The following GABBR2 variants were observed in gnomAD, a reference collection of about 807,000 sequenced individuals.
GABBR2 encodes the protein G-protein coupled receptor 51.
GABBR2 carries 23 observed loss-of-function variants against 105.6 expected under a neutral mutation model. The ratio of observed to expected loss-of-function variants is 0.22; its 90% CI spans 0.16 to 0.31. The LOEUF (loss-of-function observed/expected upper bound fraction) is 0.31. Among genes scored for constraint, GABBR2 ranks in the 10% least tolerant of loss-of-function variants. The probability of loss-of-function intolerance (pLI) is 1.00; values close to 1 mark genes in which losing one functional copy is unlikely to be tolerated. For missense variants in GABBR2, 734 were observed against 1,245.5 expected (o/e 0.59, Z 6.18); for synonymous variants, 478 against 499.7 (o/e 0.96, Z 0.58).
chr9:98,651,265 T>G (rs554559964), intron 1 of GABBR2, among the ~76,000 whole-genome samples: 120 of 151,660 alleles, frequency 7.9e-4, no homozygotes, highest in South Asian at 2.1e-3. Flanking sequence ...TGTCTCAGCC[T>G]CTTGAGTAGC....
At chr9:98,478,789 T>C (rs1177174333) in intron 5 of GABBR2, among the ~76,000 whole-genome samples, 2 of 152,202 alleles carry the variant, frequency 1.3e-5, no homozygotes, top group Non-Finnish European at 2.9e-5. Context: ...CCATCTATGT[T>C]TCTTGCAAAC....
At chr9:98,509,605 G>A (rs921953881) in intron 3 of GABBR2, among the ~76,000 whole-genome samples, 8 of 152,196 alleles carry the variant, frequency 5.3e-5, no homozygotes, top group African/African-American at 9.7e-5. Context: ...ACCAAGGCAC[G>A]AGAGCTACGT....
Position 98,436,280 on chromosome 9 carries a change from CATAT to C in GABBR2, c.1236+17697_1236+17700del, listed in dbSNP as rs56768409. Among the ~76,000 whole-genome samples, 213 of 53,912 alleles carry C rather than the reference CATAT, an allele frequency of 4.0e-3. 8 individuals carry two copies. The highest frequency in any genetic ancestry group is 0.017 in the African/African-American group (188 of 10,950). The allele number at this position is 53,912 out of a possible 152,430, so 35.4% of individuals were successfully genotyped here. ...CTTCTGTTATTTAAACAACAACAAC[CATAT>C]ATATATATATATATATATACCCATA... is the stretch of plus-strand genomic sequence containing the variant. On this transcript the variant is annotated intron_variant, in intron 7 of 18. Transcript: ENST00000259455.
chr9:98,704,042 G>C (rs545610140), intron 1 of GABBR2, among the ~76,000 whole-genome samples: 1 of 152,090 alleles, frequency 6.6e-6, no homozygotes, highest in Admixed American at 6.5e-5. Context: ...CCTTGCATTA[G>C]AAATGATGAA....
chr9:98,291,917 T>C (rs999793780), intron 18 of GABBR2, among the ~76,000 whole-genome samples: 3 of 152,202 alleles, frequency 2.0e-5, no homozygotes, highest in Admixed American at 1.3e-4. Context: ...CAGAAAAAGC[T>C]GGAGGCAAGA....
chr9:98,537,691 C>T (rs1317073874), intron 3 of GABBR2, among the ~76,000 whole-genome samples: 11 of 152,054 alleles, frequency 7.2e-5, no homozygotes, highest in Admixed American at 7.2e-4. Context: ...TCCACTTTGG[C>T]TTCCCAAAGT....
chr9:98,607,672 A>G (rs1829448015), intron 1 of GABBR2: 1 of 744,038 alleles, frequency 1.3e-6, no homozygotes, highest in East Asian at 2.4e-5. Flanking sequence ...TGATTTTACA[A>G]TTCTAAGAAA....
intron 1 of GABBR2, among the ~76,000 whole-genome samples, chr9:98,696,212 A>T (rs994947384): frequency 6.6e-6 from 1 of 152,268 alleles, no homozygotes; most frequent in Non-Finnish European, 1.5e-5. Flanking sequence ...AGATGAAGAA[A>T]GGTGGCAAGA....
chr9:98,492,018 G>C (rs375228876), intron 4 of GABBR2, among the ~76,000 whole-genome samples: 2 of 152,042 alleles, frequency 1.3e-5, no homozygotes, highest in Non-Finnish European at 2.9e-5. Flanking sequence ...ATACCTCCCA[G>C]TTGCTCCACT....
intron 7 of GABBR2, among the ~76,000 whole-genome samples, chr9:98,433,100 C>T (rs1483325046): frequency 6.6e-6 from 1 of 152,178 alleles, no homozygotes; most frequent in East Asian, 1.9e-4. Context: ...ACTGAAGCAG[C>T]TCTTCATAAG....
At chr9:98,615,928 C>T (rs918630403) in intron 1 of GABBR2, among the ~76,000 whole-genome samples, 6 of 152,232 alleles carry the variant, frequency 3.9e-5, no homozygotes, top group South Asian at 2.1e-4. Context: ...CAAGTTTGCA[C>T]CTGTTTGTGC....
chr9:98,485,598 G>A (rs936832820), intron 4 of GABBR2, among the ~76,000 whole-genome samples: 12 of 152,116 alleles, frequency 7.9e-5, no homozygotes, highest in African/African-American at 2.9e-4. Flanking sequence ...TGTACCCCCA[G>A]TTTGCAAGCA....
chr9:98,488,979 G>T (rs1488990518), intron 4 of GABBR2, among the ~76,000 whole-genome samples: 2 of 152,174 alleles, frequency 1.3e-5, no homozygotes, highest in Non-Finnish European at 2.9e-5. Flanking sequence ...CTTCAGAGCA[G>T]GTGGTGGCAA....
rs1177332462 is a variant in GABBR2, at chr9:98,306,311, T to C, written c.2039A>G (p.Asn680Ser). ...FGCFLAWETR[N>S]VSIPALNDSK... ...GTCGTTGAGTGCGGGGATGCTGACG[T>C]TGCGGGTCTCCCAAGCTAAGAAACA... is the stretch of plus-strand genomic sequence containing the variant. The change falls in exon 15 of 19, where the codon AAC becomes AGC. Residue 680 changes from asparagine to serine, a missense_variant. Physicochemically the swap from Asn to Ser is conservative, Grantham distance 46. Transcript: ENST00000259455. The surrounding 1 kb of genome is among the most constrained non-coding windows in gnomAD (Gnocchi z 5.4). 6.2e-7 allele frequency: 1 copy of C among 1,614,010 alleles called. No homozygotes were observed. The highest frequency in any genetic ancestry group is 1.1e-5 in the South Asian group (1 of 91,062).
intron 1 of GABBR2, among the ~76,000 whole-genome samples, chr9:98,678,478 T>C (rs1353827071): frequency 6.6e-6 from 1 of 152,192 alleles, no homozygotes; most frequent in Non-Finnish European, 1.5e-5. Flanking sequence ...ATCTTGAGGT[T>C]GGTAATACAG....
chr9:98,389,097 C>G (rs971591952), intron 9 of GABBR2, 93 bp from the exon 10 acceptor site: 12 of 1,130,056 alleles, frequency 1.1e-5, no homozygotes, highest in Non-Finnish European at 1.4e-5. Flanking sequence ...CAGCCAGGCC[C>G]TGCGCACAAA....
intron 13 of GABBR2, among the ~76,000 whole-genome samples, chr9:98,343,673 C>T (rs1053001655): frequency 2.6e-5 from 4 of 152,068 alleles, no homozygotes; most frequent in African/African-American, 4.8e-5. Context: ...GCCTGATTAA[C>T]ATGGTGAAAT....
intron 6 of GABBR2, among the ~76,000 whole-genome samples, chr9:98,455,014 C>T (rs1048870723): frequency 6.6e-6 from 1 of 152,132 alleles, no homozygotes; most frequent in African/African-American, 2.4e-5. Context: ...TTCTGGGCCC[C>T]GAGGGGCCTG....
chr9:98,465,361 C>A (rs1826527339), intron 6 of GABBR2, among the ~76,000 whole-genome samples: 1 of 152,074 alleles, frequency 6.6e-6, no homozygotes, highest in South Asian at 2.1e-4. Flanking sequence ...GAATCTTGAT[C>A]ATTACCTCAC....
Sources: allele counts gnomAD v4.1 joint callset (sites outside exome capture counted in the v4.1 genomes callset), GRCh38; gene constraint gnomAD v4.1.1; non-coding constraint Gnocchi (gnomAD v3.1); transcripts MANE v1.5; gene names NCBI Gene and HGNC (gene_info 2026-07-23, HGNC 2026-07-21).